The following MAD1L1 variants were observed in gnomAD, a reference collection of about 807,000 sequenced individuals.
The protein encoded by MAD1L1 is mitotic arrest deficient 1 like 1.
A neutral mutation model predicts 96.9 loss-of-function variants in MAD1L1; 95 were observed. The ratio of observed to expected loss-of-function variants is 0.98; its 90% CI spans 0.83 to 1.16. The LOEUF is 1.16. Ranked by LOEUF, MAD1L1 falls within the 50% of genes most tolerant of loss-of-function variation. MAD1L1 has a pLI of 0.00. For missense variants in MAD1L1, 1,007 were observed against 954.4 expected (o/e 1.06, Z -0.73); for synonymous variants, 473 against 396.6 (o/e 1.19, Z -2.29).
At chr7:1,908,968 G>A (rs1012871731) in intron 17 of MAD1L1, among the ~76,000 whole-genome samples, 1 of 152,204 alleles carries the variant, frequency 6.6e-6, no homozygotes, top group African/African-American at 2.4e-5. Context: ...CTGTTTCTGG[G>A]AGGCTGCCAG....
At chr7:1,966,827 G>A (rs993991394) in intron 15 of MAD1L1, among the ~76,000 whole-genome samples, 5 of 152,250 alleles carry the variant, frequency 3.3e-5, no homozygotes, top group African/African-American at 9.6e-5. Flanking sequence ...CGAGGGCCGC[G>A]GGCCGCGCTG....
At position 1,843,711 on chromosome 7, in the gene MAD1L1, C is replaced by T. The variant is rs570652147; in HGVS notation, c.1999-27483G>A. On this transcript the variant is annotated intron_variant, in intron 18 of 18. Transcript: ENST00000265854. ...TGAAGACTCACTTCTGGAGTGGGCA[C>T]ACTTTGTCCCAGCTCCGTCTTCCTG... is the stretch of plus-strand genomic sequence containing the variant. Among the ~76,000 whole-genome samples, 291 of 152,308 alleles carry T rather than the reference C, an allele frequency of 1.9e-3. 2 individuals carry two copies. The highest frequency in any genetic ancestry group is 0.015 in the South Asian group (70 of 4,826).
chr7:2,061,378 A>G (rs957290354), intron 12 of MAD1L1, among the ~76,000 whole-genome samples: 9 of 152,188 alleles, frequency 5.9e-5, no homozygotes, highest in African/African-American at 2.2e-4. Context: ...AATAAAAATA[A>G]AAGCCCAAAG....
At chr7:1,907,464 G>A (rs1346557737) in intron 17 of MAD1L1, among the ~76,000 whole-genome samples, 3 of 152,232 alleles carry the variant, frequency 2.0e-5, no homozygotes, top group Non-Finnish European at 2.9e-5. Context: ...CACAAAAAGG[G>A]ACTAATATTT....
chr7:1,821,009 A>AG (rs1782094764), intron 18 of MAD1L1, among the ~76,000 whole-genome samples: 1 of 140,344 alleles, frequency 7.1e-6, no homozygotes. Context: ...TGAACCCAGG[A>AG]GGCGGAGCTT....
chr7:1,976,129 G>A (rs1459059866), intron 15 of MAD1L1, among the ~76,000 whole-genome samples: 1 of 152,244 alleles, frequency 6.6e-6, no homozygotes, highest in African/African-American at 2.4e-5. Context: ...ATGTGAAAAT[G>A]TGAGTGTGCA....
chr7:1,887,678 AATGC>A (rs2128668907), intron 18 of MAD1L1, among the ~76,000 whole-genome samples: 1 of 123,406 alleles, frequency 8.1e-6, no homozygotes, highest in African/African-American at 3.2e-5. Context: ...TGTGAGCATG[AATGC>A]ATGTGGGTGG....
intron 11 of MAD1L1, among the ~76,000 whole-genome samples, chr7:2,104,403 C>A (rs1786979104): frequency 6.6e-6 from 1 of 152,256 alleles, no homozygotes; most frequent in Admixed American, 6.5e-5. Context: ...GGGACGCAGT[C>A]TGGCATGTGG....
intron 12 of MAD1L1, among the ~76,000 whole-genome samples, chr7:2,049,921 G>A (rs1381941002): frequency 2.0e-5 from 3 of 147,512 alleles, no homozygotes; most frequent in Non-Finnish European, 4.5e-5. Flanking sequence ...CAACATCTGC[G>A]GACACCAGAC....
chr7:2,085,356 C>T (rs914869849), intron 11 of MAD1L1, among the ~76,000 whole-genome samples: 1 of 152,220 alleles, frequency 6.6e-6, no homozygotes, highest in Non-Finnish European at 1.5e-5. Context: ...TCTGTCTCCC[C>T]GCCGCACAGC....
At chr7:2,081,924 G>A (rs1412031910) in intron 11 of MAD1L1, among the ~76,000 whole-genome samples, 1 of 152,232 alleles carries the variant, frequency 6.6e-6, no homozygotes, top group Admixed American at 6.5e-5. Flanking sequence ...ATGGCCCCAA[G>A]GTCAGGAGCA....
At chr7:2,187,656 C>G (rs1426652424) in intron 10 of MAD1L1, among the ~76,000 whole-genome samples, 1 of 152,152 alleles carries the variant, frequency 6.6e-6, no homozygotes, top group African/African-American at 2.4e-5. Flanking sequence ...AAATCTTAAC[C>G]CCTTGATAAG....
chr7:1,964,843 T>C (rs1023801176), intron 15 of MAD1L1, among the ~76,000 whole-genome samples: 4 of 152,278 alleles, frequency 2.6e-5, no homozygotes, highest in Non-Finnish European at 4.4e-5. Context: ...AAAAGATGCA[T>C]AATGGGGGCG....
intron 18 of MAD1L1, among the ~76,000 whole-genome samples, chr7:1,876,772 C>T (rs1785406399): frequency 6.6e-6 from 1 of 150,420 alleles, no homozygotes; most frequent in African/African-American, 2.4e-5. Flanking sequence ...GCTCCTACCC[C>T]CAGAAGGTGA....
chr7:1,892,679 C>T (rs1786622380), intron 18 of MAD1L1, among the ~76,000 whole-genome samples: 1 of 152,168 alleles, frequency 6.6e-6, no homozygotes, highest in South Asian at 2.1e-4. Flanking sequence ...ATCCATATGA[C>T]AAACCCGGTA....
chr7:2,086,520 G>A (rs1019379603), intron 11 of MAD1L1, among the ~76,000 whole-genome samples: 4 of 152,210 alleles, frequency 2.6e-5, no homozygotes, highest in African/African-American at 9.6e-5. Flanking sequence ...AACGCTGCAG[G>A]CAGGGAGACA....
chr7:1,872,355 T>C (rs1048776991), intron 18 of MAD1L1, among the ~76,000 whole-genome samples: 4 of 152,162 alleles, frequency 2.6e-5, no homozygotes, highest in Admixed American at 2.6e-4. Context: ...GTGAGGCCCC[T>C]GGTCCAGGTG....
chr7:2,214,018 T>C (rs538505890), intron 9 of MAD1L1, among the ~76,000 whole-genome samples: 4 of 152,374 alleles, frequency 2.6e-5, no homozygotes, highest in South Asian at 2.1e-4. Flanking sequence ...GCCCCTCCTA[T>C]GCGCAGGCAC....
rs1044526013 is a variant in MAD1L1 at position 2,119,734 on chromosome 7, G to T, written c.1073+29418C>A. Among the ~76,000 whole-genome samples, 2 of 152,162 alleles carry T rather than the reference G, an allele frequency of 1.3e-5. No homozygotes were observed. The highest frequency in any genetic ancestry group is 1.3e-4 in the Admixed American group (2 of 15,284). On this transcript the variant is annotated intron_variant, in intron 11 of 18. Transcript: ENST00000265854. The surrounding 1 kb of genome is among the most constrained non-coding windows in gnomAD (Gnocchi z 4.6). ...GGAGGGAGAGCCTGCCAGTCCAGCA[G>T]GGGACCCCTCAGCACAGTCCTGGCT...
Sources: allele counts gnomAD v4.1 joint callset (sites outside exome capture counted in the v4.1 genomes callset), GRCh38; gene constraint gnomAD v4.1.1; non-coding constraint Gnocchi (gnomAD v3.1); transcripts MANE v1.5; gene names NCBI Gene and HGNC (gene_info 2026-07-23, HGNC 2026-07-21).